Variants in OGDHL observed in about 807,000 individuals in gnomAD.
The protein encoded by OGDHL is 2-oxoglutarate dehydrogenase-like, mitochondrial.
OGDHL carries 79 observed loss-of-function variants against 109.6 expected under a neutral mutation model. That is an observed-to-expected ratio of 0.72 (90% CI 0.60 to 0.87). The LOEUF is 0.87. Among genes scored for constraint, OGDHL ranks in the 40% least tolerant of loss-of-function variants. OGDHL has a pLI of 0.00. For missense variants in OGDHL, 1,275 were observed against 1,362.2 expected (o/e 0.94, Z 1.01); for synonymous variants, 528 against 537.2 (o/e 0.98, Z 0.24).
rs761053960 is a variant in OGDHL at position 49,752,634 on chromosome 10, TTAC to T, written c.478+1_478+3del. On this transcript the variant is annotated splice_donor_variant and splice_donor_region_variant and intron_variant, in intron 4 of 22. Coordinates refer to ENST00000374103, the MANE Select transcript of OGDHL (RefSeq NM_018245.3). LOFTEE classifies it high-confidence loss of function. Reference sequence around the variant, plus strand: ...GCCATGGCCGTCCTGAGGAAGGGTCTTACCCAGTTTATCAATGGTTGTGATCAA... The same window carrying T: ...GCCATGGCCGTCCTGAGGAAGGGTCTCCAGTTTATCAATGGTTGTGATCAA... 5.0e-6 allele frequency: 8 copies of T among 1,613,464 alleles called. No homozygotes were observed. The South Asian group carries it at 8.8e-5, about 18-fold the overall frequency.
chr10:49,738,034 G>C lies in OGDHL; in HGVS notation c.2430C>G (p.Asp810Glu). Residue 810 changes from aspartate (D) to glutamate (E), a missense_variant, in exon 19 of 23, where the codon GAC becomes GAG. Coordinates refer to ENST00000374103, the MANE Select transcript of OGDHL (RefSeq NM_018245.3). ...TKDFEVSQLY[D>E]CNWIVVNCST... Reference sequence around the variant, plus strand: ...AGCAGTTGACCACGATCCAGTTGCAGTCATAGAGCTGGCTCACCTCGAAGT... The same window carrying C: ...AGCAGTTGACCACGATCCAGTTGCACTCATAGAGCTGGCTCACCTCGAAGT... 1 of 1,614,188 alleles carries C rather than the reference G, an allele frequency of 6.2e-7. No individual in the cohort carries two copies. The highest frequency in any genetic ancestry group is 8.5e-7 in the Non-Finnish European group (1 of 1,180,034).
chr10:49,759,541 C>T (rs973173740), intron 1 of OGDHL, among the ~76,000 whole-genome samples: 1 of 152,174 alleles, frequency 6.6e-6, no homozygotes, highest in Admixed American at 6.5e-5. Context: ...CTCTGCCAAT[C>T]CTGGAGAACC....
intron 22 of OGDHL, 34 bp downstream of exon 22, chr10:49,735,989 G>A (rs374836326): frequency 2.5e-5 from 38 of 1,535,420 alleles, no homozygotes; most frequent in South Asian, 1.3e-4. Context: ...CCTCAGGGCC[G>A]AGGTGAGGGG....
At chr10:49,737,089 G>A (rs1416802940) in intron 20 of OGDHL, among the ~76,000 whole-genome samples, 4 of 152,134 alleles carry the variant, frequency 2.6e-5, no homozygotes, top group African/African-American at 7.2e-5. Context: ...GAAGACTCTG[G>A]GGTAGAGAGG....
chr10:49,752,712 T>C lies in OGDHL; in HGVS notation c.404A>G (p.Asp135Gly). The change falls in exon 4 of 23, where the codon GAC becomes GGC. Residue 135 changes from aspartate (D) to glycine (G), a missense_variant. Physicochemically the swap from Asp to Gly is moderately conservative, Grantham distance 94. Transcript: ENST00000374103. ...GTCTGCATCCAGAATGCCCAGGGGGTCCAGCTGGGCCACATGGTGACCCCG... is the reference window on the plus strand; with the variant it reads ...GTCTGCATCCAGAATGCCCAGGGGGCCCAGCTGGGCCACATGGTGACCCCG... Reference protein sequence around the residue: ...QIRGHHVAQLDPLGILDADLD... With the variant: ...QIRGHHVAQLGPLGILDADLD... 6.2e-7 allele frequency: 1 copy of C among 1,613,950 alleles called. No homozygotes were observed. Among genetic ancestry groups the C allele is most frequent in the South Asian group, 1.1e-5 (1 of 91,076 alleles).
At chr10:49,755,814 C>A (rs1842882694) in intron 3 of OGDHL, among the ~76,000 whole-genome samples, 1 of 152,208 alleles carries the variant, frequency 6.6e-6, no homozygotes, top group African/African-American at 2.4e-5. Flanking sequence ...TGAACGTTTC[C>A]CTGTATTTAA....
chr10:49,758,298 G>A, intron 2 of OGDHL, 91 bp downstream of exon 2: 1 of 1,298,316 alleles, frequency 7.7e-7, no homozygotes, highest in Non-Finnish European at 1.1e-6. Context: ...CACACAGCAG[G>A]CAAGCTGCTT....
At chr10:49,760,604 A>G (rs745555355) in intron 1 of OGDHL, among the ~76,000 whole-genome samples, 2 of 152,266 alleles carry the variant, frequency 1.3e-5, no homozygotes, top group African/African-American at 4.8e-5. Context: ...TCATGGGAAT[A>G]AACATAATAG....
At position 49,735,062 on chromosome 10, in the gene OGDHL, A is replaced by G; in HGVS notation, c.*166T>C. ...TCCCTCAGTCCTGGTAGATTCTGGC[A>G]TGACACCAAGGCCAGCAGTGCTGGC... On this transcript the variant is annotated 3_prime_UTR_variant, in exon 23 of 23. Coordinates refer to ENST00000374103, the MANE Select transcript of OGDHL (RefSeq NM_018245.3). The G allele has an allele frequency of 1.3e-6, 1 of 794,126 alleles. No individual in the cohort carries two copies. The highest frequency in any genetic ancestry group is 2.0e-6 in the Non-Finnish European group (1 of 511,850). The allele number at this position is 794,126 out of a possible 1,614,324, so 49.2% of individuals were successfully genotyped here. A position where few individuals can be genotyped will look rare whatever the true frequency, so the allele number is the denominator to read the frequency against.
At position 49,756,779 on chromosome 10, in the gene OGDHL, G is replaced by A. The variant is rs2133096504; in HGVS notation, c.372C>T (p.Tyr124=). The change falls in exon 3 of 23, where the codon TAC becomes TAT. Residue 124 remains tyrosine, a synonymous_variant. Transcript: ENST00000374103. The part of the protein sequence containing the change: ...HLAVQSLIRA[Y]QIRGHHVAQL... ...CTGTGCCTCAGCTGCCCCTCACCTG[G>A]TAGGCCCGGATCAGGGACTGCACAG... 1 of 1,612,172 alleles carries A rather than the reference G, an allele frequency of 6.2e-7. No homozygotes were observed. The highest frequency in any genetic ancestry group is 2.2e-5 in the East Asian group (1 of 44,854).
At position 49,751,937 on chromosome 10, in the gene OGDHL, G is replaced by A. The variant is rs61731733; in HGVS notation, c.639C>T (p.Asn213=). The change falls in exon 6 of 23, where the codon AAC becomes AAT. Residue 213 remains asparagine (N), a synonymous_variant. Coordinates refer to ENST00000374103, the MANE Select transcript of OGDHL (RefSeq NM_018245.3). ...QHIGLEFMFI[N]DVEQCQWIRQ... Reference sequence around the variant, plus strand: ...GGATCCACTGGCACTGCTCCACATCGTTGATGAACATGAACTCCAGGCCAA... The same window carrying A: ...GGATCCACTGGCACTGCTCCACATCATTGATGAACATGAACTCCAGGCCAA... 1.4e-3 allele frequency: 2,304 copies of A among 1,614,150 alleles called. 30 individuals are homozygous for A. In the African/African-American group the frequency reaches 0.023, roughly 16 times the overall value.
rs756536932 is a variant in OGDHL, at chr10:49,756,981, A to G, written c.205-35T>C. 3.1e-6 allele frequency: 5 copies of G among 1,592,196 alleles called. No individual in the cohort carries two copies. In the South Asian group the frequency reaches 4.6e-5, roughly 15 times the overall value. ...GCAGAAACAAGAACGCAGCCAGGTC[A>G]GGGCCTGGGAAGAGTCAGGGGTGGC... On this transcript the variant is annotated intron_variant, in intron 2 of 22. Transcript: ENST00000374103.
intron 1 of OGDHL, among the ~76,000 whole-genome samples, chr10:49,760,571 G>T (rs1201105880): frequency 6.6e-6 from 1 of 152,234 alleles, no homozygotes; most frequent in Non-Finnish European, 1.5e-5. Context: ...TATGGCAAAG[G>T]AAACTAGATA....
At chr10:49,743,851 G>GTA (rs1173479724) in intron 14 of OGDHL, 143 bp downstream of exon 14, 3 of 1,007,424 alleles carry the variant, frequency 3.0e-6, no homozygotes, top group Non-Finnish European at 4.2e-6. Context: ...GCACAGACAT[G>GTA]GTGCCGAGAG....
chr10:49,746,753 G>A lies in OGDHL; in HGVS notation c.1293C>T (p.Asn431=), dbSNP rs1482489699. The A allele has an allele frequency of 1.9e-6, 3 of 1,614,108 alleles. No individual in the cohort carries two copies. Among genetic ancestry groups the A allele is most frequent in the Non-Finnish European group, 8.5e-7 (1 of 1,179,976 alleles). The stretch of plus-strand genomic sequence containing the variant: ...AGCGTGGAGCCTACATGCTCACCTG[G>A]TTGTTGACGACGACGTGCACGGTAC... ...TNGTVHVVVN[N]QIGFTTDPRM... is the part of the protein sequence containing the mutation. The change falls in exon 10 of 23, where the codon AAC becomes AAT. Residue 431 remains asparagine, a synonymous_variant. Coordinates refer to ENST00000374103, the MANE Select transcript of OGDHL (RefSeq NM_018245.3).
chr10:49,738,510 C>G, intron 17 of OGDHL: 1 of 550,830 alleles, frequency 1.8e-6, no homozygotes, highest in Non-Finnish European at 3.3e-6. Flanking sequence ...AGCAAAAAGC[C>G]CGCACTGAGA....
intron 8 of OGDHL, among the ~76,000 whole-genome samples, chr10:49,747,583 C>T (rs1842290136): frequency 6.6e-6 from 1 of 152,212 alleles, no homozygotes; most frequent in Non-Finnish European, 1.5e-5. Flanking sequence ...TGACTCCTCA[C>T]ACCAATGGTA....
In OGDHL at chr10:49,738,187, T is replaced by G. The variant is rs752790088; in HGVS notation, c.2391+4A>C. ...CCTGTCCTGGGGACAGCAGCAACAC[T>G]CACAGGGTAGGCATCCGAGTCATCA... On this transcript the variant is annotated splice_donor_region_variant and intron_variant, in intron 18 of 22. Transcript: ENST00000374103. 6.2e-7 allele frequency: 1 copy of G among 1,614,052 alleles called. No individual in the cohort carries two copies. The highest frequency in any genetic ancestry group is 8.5e-7 in the Non-Finnish European group (1 of 1,180,006).
At position 49,747,016 on chromosome 10, in the gene OGDHL, C is replaced by G. The variant is rs776069510; in HGVS notation, c.1167+13G>C. ...AGGGCCCAGGTCCTCTGGGTTCCCCCAGGTGAGCTCACCTTCTTGCCCTGG... is the reference window on the plus strand; with the variant it reads ...AGGGCCCAGGTCCTCTGGGTTCCCCGAGGTGAGCTCACCTTCTTGCCCTGG... On this transcript the variant is annotated intron_variant, in intron 9 of 22. Transcript: ENST00000374103. 2.5e-6 allele frequency: 4 copies of G among 1,613,182 alleles called. No homozygotes were observed. The East Asian group carries it at 8.9e-5, about 36-fold the overall frequency.
Sources: allele counts gnomAD v4.1 joint callset (sites outside exome capture counted in the v4.1 genomes callset), GRCh38; gene constraint gnomAD v4.1.1; transcripts MANE v1.5; gene names NCBI Gene and HGNC (gene_info 2026-07-23, HGNC 2026-07-21).